The following CLEC6A variants were observed in gnomAD, a reference collection of about 807,000 sequenced individuals.
CLEC6A encodes C-type lectin domain containing 6A.
CLEC6A carries 22 observed loss-of-function variants against 25.7 expected under a neutral mutation model. That is an observed-to-expected ratio of 0.85 (90% confidence interval 0.61 to 1.22). The LOEUF is 1.22. Ranked by LOEUF, CLEC6A falls within the 50% of genes most tolerant of loss-of-function variation. CLEC6A has a pLI of 0.00. For synonymous variants in CLEC6A, 92 were observed against 76.7 expected (o/e 1.20, Z -1.04); for missense variants, 240 against 236.8 (o/e 1.01, Z -0.09).
intron 5 of CLEC6A, 43 bp from the exon 6 acceptor site, chr12:8,477,277 T>G (rs948836104): frequency 1.4e-5 from 21 of 1,534,958 alleles, no homozygotes; most frequent in Non-Finnish European, 2.7e-6. Flanking sequence ...TCATTCACCA[T>G]GCATTCTTTG....
intron 1 of CLEC6A, among the ~76,000 whole-genome samples, chr12:8,457,363 T>C (rs1030379773): frequency 5.3e-5 from 8 of 152,226 alleles, no homozygotes; most frequent in Admixed American, 3.9e-4. Flanking sequence ...CTTAACACGA[T>C]GTCCTCTGGT....
rs1390083062 is a variant in CLEC6A, at chr12:8,477,522, C to T, written c.*58C>T. On this transcript the variant is annotated 3_prime_UTR_variant, in exon 6 of 6. Coordinates refer to ENST00000382073, the MANE Select transcript of CLEC6A (RefSeq NM_001007033.2). ...ACTGACGTAATTTTTTCCCTGACGT[C>T]TTTAAAATTGAACCCTATCATGAAA... The T allele has an allele frequency of 5.1e-6, 7 of 1,368,828 alleles. No individual in the cohort carries two copies. The highest frequency in any genetic ancestry group is 2.4e-5 in the East Asian group (1 of 41,744). 84.8% of individuals were successfully genotyped at this position (1,368,828 alleles called of 1,614,324 possible). A position where few individuals can be genotyped will look rare whatever the true frequency, so the allele number is the denominator to read the frequency against.
intron 3 of CLEC6A, chr12:8,461,312 G>A (rs1031549805): frequency 1.9e-6 from 1 of 537,242 alleles, no homozygotes; most frequent in African/African-American, 1.9e-5. Context: ...AAAGAAAAAG[G>A]GAAAGAGAAG....
intron 3 of CLEC6A, among the ~76,000 whole-genome samples, chr12:8,463,636 G>T (rs1030201270): frequency 6.6e-6 from 1 of 152,156 alleles, no homozygotes; most frequent in Non-Finnish European, 1.5e-5. Context: ...CAATGTTATT[G>T]AAAGTAAAGA....
chr12:8,469,948 C>G (rs755013223), intron 4 of CLEC6A, among the ~76,000 whole-genome samples: 1 of 152,248 alleles, frequency 6.6e-6, no homozygotes, highest in Non-Finnish European at 1.5e-5. Flanking sequence ...CTTAATTAAA[C>G]TAAAAAGCTT....
At chr12:8,472,693 A>G (rs745505529) in intron 4 of CLEC6A, among the ~76,000 whole-genome samples, 1 of 152,248 alleles carries the variant, frequency 6.6e-6, no homozygotes, top group East Asian at 1.9e-4. Context: ...GAACTAGGGC[A>G]TGGGGCTTTA....
At chr12:8,470,325 C>T (rs781643635) in intron 4 of CLEC6A, among the ~76,000 whole-genome samples, 2 of 152,076 alleles carry the variant, frequency 1.3e-5, no homozygotes, top group Non-Finnish European at 2.9e-5. Context: ...AATACTTTTA[C>T]TGTTGGTGGG....
intron 4 of CLEC6A, among the ~76,000 whole-genome samples, chr12:8,468,707 C>T (rs1939868484): frequency 1.3e-5 from 2 of 152,076 alleles, no homozygotes; most frequent in African/African-American, 4.8e-5. Flanking sequence ...TCTCGATAGA[C>T]CCAGAAAAAC....
chr12:8,462,012 G>A (rs973743178), intron 3 of CLEC6A, among the ~76,000 whole-genome samples: 4 of 152,170 alleles, frequency 2.6e-5, no homozygotes, highest in South Asian at 4.1e-4. Context: ...ATTTTGTTCC[G>A]TACTAAGAAA....
intron 5 of CLEC6A, 40 bp from the exon 6 acceptor site, chr12:8,477,280 A>T (rs762452473): frequency 1.3e-6 from 2 of 1,552,294 alleles, no homozygotes; most frequent in Non-Finnish European, 1.7e-6. Flanking sequence ...TTCACCATGC[A>T]TTCTTTGAAG....
chr12:8,457,905 A>G lies in CLEC6A; in HGVS notation c.39A>G (p.Arg13=). ...GTCTTCCTGATTGGACAGAGAAAAG[A>G]GGCTGGTTGTCCCTGAGACTCTGGT... is the stretch of plus-strand genomic sequence containing the variant. ...QEQQPQSTEK[R]GWLSLRLWSV... is the part of the protein sequence containing the mutation. Residue 13 remains arginine, a synonymous_variant, in exon 2 of 6, where the codon AGA becomes AGG. Coordinates refer to ENST00000382073, the MANE Select transcript of CLEC6A (RefSeq NM_001007033.2). 1.9e-6 allele frequency: 3 copies of G among 1,613,640 alleles called. No individual in the cohort carries two copies. Among genetic ancestry groups the G allele is most frequent in the Non-Finnish European group, 2.5e-6 (3 of 1,179,570 alleles).
At chr12:8,469,785 A>C (rs1939882054) in intron 4 of CLEC6A, among the ~76,000 whole-genome samples, 1 of 152,198 alleles carries the variant, frequency 6.6e-6, no homozygotes, top group Non-Finnish European at 1.5e-5. Context: ...AAATCAACTC[A>C]AGGTGGATCA....
intron 4 of CLEC6A, among the ~76,000 whole-genome samples, chr12:8,467,503 T>C (rs1177614773): frequency 1.3e-5 from 2 of 148,232 alleles, no homozygotes; most frequent in East Asian, 4.1e-4. Flanking sequence ...TGACCATATA[T>C]GTGAGTGTTT....
intron 5 of CLEC6A, 123 bp downstream of exon 5, chr12:8,476,363 G>T: frequency 1.6e-6 from 1 of 642,240 alleles, no homozygotes; most frequent in South Asian, 1.9e-5. Flanking sequence ...GCATTACTAA[G>T]GATATGCATT....
In CLEC6A at chr12:8,457,802, G is replaced by A. The variant is rs1302299439; in HGVS notation, c.32-96G>A. 9.6e-6 allele frequency: 8 copies of A among 837,658 alleles called. No homozygotes were observed. The East Asian group carries it at 2.0e-4, about 20-fold the overall frequency. The allele number at this position is 837,658 out of a possible 1,614,324, so 51.9% of individuals were successfully genotyped here. A position where few individuals can be genotyped will look rare whatever the true frequency, so the allele number is the denominator to read the frequency against. On this transcript the variant is annotated intron_variant, in intron 1 of 5. Transcript: ENST00000382073. Reference sequence around the variant, plus strand: ...GCTTTAAGTTTTTAACTGCTCTGAGGTTCTTCATCTAGTTTGTTCATTGTT... The same window carrying A: ...GCTTTAAGTTTTTAACTGCTCTGAGATTCTTCATCTAGTTTGTTCATTGTT...
At position 8,458,041 on chromosome 12, in the gene CLEC6A, A is replaced by G. The variant is rs1939701751; in HGVS notation, c.121+54A>G. ...TTGCTTCCTTTCCCTTGAATATTCCATACAGGTTTCCTAGGATATATTCTC... is the reference window on the plus strand; with the variant it reads ...TTGCTTCCTTTCCCTTGAATATTCCGTACAGGTTTCCTAGGATATATTCTC... On this transcript the variant is annotated intron_variant, in intron 2 of 5. Transcript: ENST00000382073. 10 of 1,269,894 alleles carry G rather than the reference A, an allele frequency of 7.9e-6. 1 individual carries two copies. In the South Asian group the frequency reaches 1.2e-4, roughly 15 times the overall value. 78.7% of individuals were successfully genotyped at this position (1,269,894 alleles called of 1,614,324 possible).
rs116727532 is a variant in CLEC6A at position 8,465,803 on chromosome 12, A to G, written c.369+174A>G. The stretch of plus-strand genomic sequence containing the variant: ...AAAACTGGAACTCCCCACCCATTGA[A>G]CAACAACTACCCATTTCCCCATCCC... On this transcript the variant is annotated intron_variant, in intron 4 of 5. Transcript: ENST00000382073. Among the ~76,000 whole-genome samples the G allele has an allele frequency of 6.2e-3, 951 of 152,336 alleles. 5 individuals carry two copies. Among genetic ancestry groups the G allele is most frequent in the African/African-American group, 0.021 (889 of 41,574 alleles).
intron 3 of CLEC6A, among the ~76,000 whole-genome samples, chr12:8,462,207 C>T (rs373361564): frequency 6.6e-6 from 1 of 150,436 alleles, no homozygotes; most frequent in Admixed American, 6.6e-5. Context: ...TCTCAAGTAC[C>T]CAGGGACACA....
At chr12:8,458,539 C>T (rs922332154) in intron 2 of CLEC6A, among the ~76,000 whole-genome samples, 1 of 152,118 alleles carries the variant, frequency 6.6e-6, no homozygotes, top group African/African-American at 2.4e-5. Flanking sequence ...CTCCGATTCA[C>T]AATTTGGATT....
Sources: gnomAD v4.1 joint callset for allele counts (sites outside exome capture counted in the v4.1 genomes callset) on GRCh38, gnomAD v4.1.1 for gene constraint, MANE v1.5 for transcripts, NCBI Gene and HGNC (gene_info 2026-07-23, HGNC 2026-07-21) for gene names.